PKHD1: variants seen among roughly 807,000 people sequenced by gnomAD.
PKHD1 encodes PKHD1 ciliary IPT domain containing fibrocystin/polyductin.
Under a neutral mutation model 412.0 loss-of-function variants are expected in PKHD1, and 291 were observed. That is an observed-to-expected ratio of 0.71 (90% CI 0.64 to 0.78). PKHD1 has a LOEUF of 0.78. Ranked by LOEUF, PKHD1 falls within the 30% of genes least tolerant of loss-of-function variation. The pLI is 0.00. For synonymous variants in PKHD1, 1,777 were observed against 1,821.5 expected (o/e 0.98, Z 0.62); for missense variants, 4,825 against 4,950.7 (o/e 0.97, Z 0.76).
chr6:51,832,923 T>C (rs1768521975), intron 51 of PKHD1, among the ~76,000 whole-genome samples: 1 of 152,146 alleles, frequency 6.6e-6, no homozygotes. Flanking sequence ...ACCTTGGGAA[T>C]AAGGCAATGT....
rs1394696415 is a variant in PKHD1, at chr6:51,775,858, C to T, written c.8504G>A (p.Gly2835Glu). The change falls in exon 54 of 67, where the codon GGA becomes GAA. Residue 2835 changes from glycine to glutamate, a missense_variant. Gly to Glu is a moderately conservative substitution (Grantham distance 98). Transcript: ENST00000371117. ...TCCATTCATACGGTCACAAAAGACTCCCTCTGAGGCTCTAAGGAGAATCAG... is the reference window on the plus strand; with the variant it reads ...TCCATTCATACGGTCACAAAAGACTTCCTCTGAGGCTCTAAGGAGAATCAG... The part of the protein sequence containing the change: ...KLLILLRASE[G>E]VFCDRMNGIH... 6.2e-7 allele frequency: 1 copy of T among 1,601,010 alleles called. No individual in the cohort carries two copies. Among genetic ancestry groups the T allele is most frequent in the East Asian group, 2.2e-5 (1 of 44,684 alleles).
At chr6:51,922,826 A>G (rs2127719037) in intron 37 of PKHD1, among the ~76,000 whole-genome samples, 1 of 152,168 alleles carries the variant, frequency 6.6e-6, no homozygotes, top group South Asian at 2.1e-4. Flanking sequence ...GAGTGTCCCG[A>G]TTTTCCAGGT....
intron 34 of PKHD1, among the ~76,000 whole-genome samples, chr6:52,014,735 TG>T (rs1800282916): frequency 6.9e-6 from 1 of 145,104 alleles, no homozygotes; most frequent in Non-Finnish European, 1.5e-5. Context: ...GATGGATGGA[TG>T]GATGGATGGA....
intron 60 of PKHD1, among the ~76,000 whole-genome samples, chr6:51,685,419 T>C (rs866495300): frequency 1.4e-4 from 22 of 152,292 alleles, no homozygotes; most frequent in Middle Eastern, 3.4e-3. Flanking sequence ...TAGAAGTATT[T>C]CCTCTTACTT....
At chr6:51,930,532 GGTA>G (rs1484928388) in intron 37 of PKHD1, among the ~76,000 whole-genome samples, 1 of 152,120 alleles carries the variant, frequency 6.6e-6, no homozygotes, top group Non-Finnish European at 1.5e-5. Context: ...TTTAATCCAA[GGTA>G]AAAATCAGCT....
At chr6:51,701,425 G>A (rs1167648587) in intron 60 of PKHD1, among the ~76,000 whole-genome samples, 19 of 152,024 alleles carry the variant, frequency 1.2e-4, no homozygotes, top group Non-Finnish European at 2.2e-4. Context: ...CAAAGATTCT[G>A]ACATTTATTT....
rs1000624726 is a variant in PKHD1 at position 51,788,425 on chromosome 6, T to C, written c.8440+2811A>G. Among the ~76,000 whole-genome samples, 8 of 125,212 alleles carry C rather than the reference T, an allele frequency of 6.4e-5. 1 individual carries two copies. Among genetic ancestry groups the C allele is most frequent in the Admixed American group, 4.7e-4 (5 of 10,648 alleles). The allele number at this position is 125,212 out of a possible 152,430, so 82.1% of individuals were successfully genotyped here. On this transcript the variant is annotated intron_variant, in intron 53 of 66. Transcript: ENST00000371117. ...CTATGTGTACTGCATCAAGGAGTTC[T>C]CCTTTATTCTGACTTCTCCTTTATT...
intron 60 of PKHD1, among the ~76,000 whole-genome samples, chr6:51,704,202 G>A (rs1015806837): frequency 7.2e-5 from 11 of 151,966 alleles, no homozygotes; most frequent in Non-Finnish European, 1.6e-4. Context: ...CCCATCAAAC[G>A]AAAGACAAAA....
At chr6:51,926,086 A>C (rs1785566313) in intron 37 of PKHD1, among the ~76,000 whole-genome samples, 1 of 152,202 alleles carries the variant, frequency 6.6e-6, no homozygotes, top group South Asian at 2.1e-4. Context: ...AATACATTAA[A>C]TAATGTTGAA....
intron 40 of PKHD1, among the ~76,000 whole-genome samples, chr6:51,907,874 G>T (rs1036515588): frequency 2.0e-5 from 3 of 152,204 alleles, no homozygotes; most frequent in Middle Eastern, 3.4e-3. Flanking sequence ...TTTAAGCACT[G>T]AACTCTTTTT....
intron 27 of PKHD1, among the ~76,000 whole-genome samples, chr6:52,036,782 G>C (rs1804022028): frequency 6.6e-6 from 1 of 152,162 alleles, no homozygotes. Flanking sequence ...AAATACTCTT[G>C]AAGAACTTAA....
At chr6:51,678,315 C>T (rs369790844) in intron 60 of PKHD1, among the ~76,000 whole-genome samples, 13 of 152,152 alleles carry the variant, frequency 8.5e-5, no homozygotes, top group African/African-American at 2.9e-4. Flanking sequence ...AGTTAGATGA[C>T]GTATGCACAG....
At chr6:52,078,663 A>T (rs1027332685) in intron 5 of PKHD1, among the ~76,000 whole-genome samples, 1 of 152,100 alleles carries the variant, frequency 6.6e-6, no homozygotes, top group Non-Finnish European at 1.5e-5. Flanking sequence ...TTTCATGTGC[A>T]ATTTTAGGAA....
intron 57 of PKHD1, among the ~76,000 whole-genome samples, chr6:51,751,576 T>C (rs891489899): frequency 6.6e-6 from 1 of 152,198 alleles, no homozygotes; most frequent in Non-Finnish European, 1.5e-5. Context: ...CCAAAATTAT[T>C]ACAAAATTAA....
chr6:51,989,944 GA>G (rs1796784043), intron 35 of PKHD1, among the ~76,000 whole-genome samples: 1 of 28,246 alleles, frequency 3.5e-5, no homozygotes, highest in Non-Finnish European at 8.1e-5. Context: ...AAGAAGGAAG[GA>G]AGAAAGGAAG....
At chr6:51,708,063 T>C (rs1049657269) in intron 60 of PKHD1, among the ~76,000 whole-genome samples, 1 of 152,188 alleles carries the variant, frequency 6.6e-6, no homozygotes, top group Non-Finnish European at 1.5e-5. Context: ...GCATATTTAA[T>C]TCCTTAAAGG....
intron 51 of PKHD1, among the ~76,000 whole-genome samples, chr6:51,834,711 A>T (rs1056530350): frequency 6.6e-5 from 10 of 152,206 alleles, no homozygotes; most frequent in Non-Finnish European, 1.5e-4. Context: ...TATGTTATTT[A>T]AAATTTCCTC....
chr6:51,812,227 C>T (rs766870650), intron 52 of PKHD1, among the ~76,000 whole-genome samples: 9 of 152,268 alleles, frequency 5.9e-5, no homozygotes, highest in Non-Finnish European at 1.0e-4. Flanking sequence ...GTACCATTTG[C>T]AAAGTTGGTT....
At chr6:51,759,036 G>A (rs1787542911) in intron 55 of PKHD1, among the ~76,000 whole-genome samples, 1 of 152,014 alleles carries the variant, frequency 6.6e-6, no homozygotes, top group African/African-American at 2.4e-5. Context: ...CCAGGAATAG[G>A]GATGGCCACA....
Sources: gnomAD v4.1 joint callset for allele counts (sites outside exome capture counted in the v4.1 genomes callset) on GRCh38, gnomAD v4.1.1 for gene constraint, MANE v1.5 for transcripts, NCBI Gene and HGNC (gene_info 2026-07-23, HGNC 2026-07-21) for gene names.